UBR4: variants seen among roughly 807,000 people sequenced by gnomAD.
The protein encoded by UBR4 is E3 ubiquitin-protein ligase UBR4.
In UBR4, 124 loss-of-function variants were observed where a neutral mutation model predicts 575.6. The observed-to-expected ratio is 0.22, with a 90% confidence interval of 0.19 to 0.25. The LOEUF (loss-of-function observed/expected upper bound fraction) is 0.25, where lower values mean the gene tolerates loss of function less well. UBR4 is among the 10% of genes least tolerant of loss of function. The pLI is 1.00. For synonymous variants in UBR4, 2,455 were observed against 2,473.7 expected (o/e 0.99, Z 0.22); for missense variants, 4,818 against 6,478.8 (o/e 0.74, Z 8.80).
chr1:19,085,675 C>A (rs1466375078), intron 101 of UBR4, among the ~76,000 whole-genome samples: 3 of 152,176 alleles, frequency 2.0e-5, no homozygotes, highest in Non-Finnish European at 4.4e-5. Context: ...ACATGAGGAC[C>A]TCACAGATGC....
Position 19,187,217 on chromosome 1 carries a change from A to G in UBR4, c.1579T>C (p.Ser527Pro). 6.2e-7 allele frequency: 1 copy of G among 1,613,974 alleles called. No individual in the cohort carries two copies. Among genetic ancestry groups the G allele is most frequent in the Non-Finnish European group, 8.5e-7 (1 of 1,179,942 alleles). The change falls in exon 13 of 106, where the codon TCT (serine) becomes CCT (proline). Residue 527 changes from serine (S) to proline (P), a missense_variant. By Grantham distance (74) the Ser-to-Pro change is moderately conservative. Transcript: ENST00000375254. Reference protein sequence around the residue: ...SIQRIQRLIDSVPLMNLLLTL... With the variant: ...SIQRIQRLIDPVPLMNLLLTL... ...AAGAGCAGGTTCATCAGTGGGACAG[A>G]GTCAATCAGCCGTTGAATCCTCTGT...
chr1:19,144,431 T>C (rs543026485), intron 54 of UBR4, among the ~76,000 whole-genome samples: 32 of 152,342 alleles, frequency 2.1e-4, no homozygotes, highest in Admixed American at 1.7e-3. Context: ...CTAAAATCAG[T>C]AGTTTTAACA....
chr1:19,118,821 C>T (rs748599061), intron 71 of UBR4, 51 bp downstream of exon 71: 22 of 1,588,948 alleles, frequency 1.4e-5, no homozygotes, highest in East Asian at 6.7e-5. Flanking sequence ...CAAATAACTC[C>T]TCAGAATGCT....
chr1:19,199,313 C>G (rs959514208), intron 3 of UBR4, among the ~76,000 whole-genome samples: 7 of 152,172 alleles, frequency 4.6e-5, no homozygotes, highest in African/African-American at 9.7e-5. Context: ...TTTCTGTTAC[C>G]TACCTGGCCC....
intron 39 of UBR4, among the ~76,000 whole-genome samples, chr1:19,159,432 T>C (rs1278069649): frequency 6.6e-6 from 1 of 152,176 alleles, no homozygotes; most frequent in Non-Finnish European, 1.5e-5. Flanking sequence ...AGATGAACTT[T>C]AGAGAAGATA....
At chr1:19,155,405 T>C (rs1393143680) in intron 43 of UBR4, 36 bp downstream of exon 43, 2 of 1,579,350 alleles carry the variant, frequency 1.3e-6, no homozygotes, top group African/African-American at 2.7e-5. Flanking sequence ...AATAATTAAA[T>C]CCGGAATAGA....
intron 1 of UBR4, among the ~76,000 whole-genome samples, chr1:19,202,359 A>G (rs1273477943): frequency 1.3e-5 from 2 of 152,220 alleles, no homozygotes; most frequent in Non-Finnish European, 2.9e-5. Flanking sequence ...TCTGTTCTAT[A>G]TTACTGACTG....
At chr1:19,138,824 C>T (rs949297894) in intron 59 of UBR4, among the ~76,000 whole-genome samples, 2 of 152,096 alleles carry the variant, frequency 1.3e-5, no homozygotes, top group South Asian at 2.1e-4. Context: ...CATGTCATTG[C>T]TTTTTTTCCA....
rs2077741010 is a variant in UBR4 at position 19,093,646 on chromosome 1, GT to G, written c.13938-161del. 6.6e-6 allele frequency among the ~76,000 whole-genome samples: 1 copy of G among 152,154 alleles called. No individual in the cohort carries two copies. Among genetic ancestry groups the G allele is most frequent in the Admixed American group, 6.5e-5 (1 of 15,276 alleles). ...TGCCCCGGCTCCTGCCACTCTCCCT[GT>G]TTACCTGCTATGTCTCCCACGCTCA... On this transcript the variant is annotated intron_variant, in intron 95 of 105. Transcript: ENST00000375254. This position sits in a 1 kb window ranked among gnomAD's most constrained non-coding sequence, Gnocchi z 4.8.
At chr1:19,151,945 C>T in intron 47 of UBR4, 86 bp from the exon 48 acceptor site, 6 of 1,220,660 alleles carry the variant, frequency 4.9e-6, no homozygotes, top group Non-Finnish European at 6.8e-6. Context: ...ATTGTCTCAA[C>T]ATGTGAAGCT....
At chr1:19,166,350 T>C (rs1436521777) in intron 29 of UBR4, among the ~76,000 whole-genome samples, 2 of 152,210 alleles carry the variant, frequency 1.3e-5, no homozygotes, top group African/African-American at 4.8e-5. Context: ...GTCAACAAAA[T>C]ATTAGAAATC....
At chr1:19,122,391 T>C (rs1478060752) in intron 66 of UBR4, among the ~76,000 whole-genome samples, 1 of 152,244 alleles carries the variant, frequency 6.6e-6, no homozygotes, top group East Asian at 1.9e-4. Context: ...AGACGTTCTT[T>C]CTAGGTTGTT....
rs2077210917 is a variant in UBR4, at chr1:19,088,369, G to T, written c.14430+390C>A. ...CCTCCAAGGTGGGACAGTTAGAAGAGCACAGAACCCTTTGTGTCAACCACT... is the reference window on the plus strand; with the variant it reads ...CCTCCAAGGTGGGACAGTTAGAAGATCACAGAACCCTTTGTGTCAACCACT... On this transcript the variant is annotated intron_variant, in intron 98 of 105. Transcript: ENST00000375254. The surrounding 1 kb of genome is among the most constrained non-coding windows in gnomAD (Gnocchi z 4.0). Among the ~76,000 whole-genome samples, 1 of 152,224 alleles carries T rather than the reference G, an allele frequency of 6.6e-6. No homozygotes were observed. The highest frequency in any genetic ancestry group is 2.4e-5 in the African/African-American group (1 of 41,462).
Position 19,162,507 on chromosome 1 carries a change from C to T in UBR4, c.4869G>A (p.Val1623=), listed in dbSNP as rs762577391. ...CTTCAATGGCCCGCTCTTCCCCATC[C>T]ACTGAGAGATGACTTGGGCCTTGAC... ...SNGQGPSHLS[V]DGEERAIEVD... Residue 1623 remains valine, a synonymous_variant, in exon 35 of 106, where the codon GTG becomes GTA. Transcript: ENST00000375254. 6.2e-7 allele frequency: 1 copy of T among 1,614,214 alleles called. No individual in the cohort carries two copies. Among genetic ancestry groups the T allele is most frequent in the East Asian group, 2.2e-5 (1 of 44,888 alleles).
intron 9 of UBR4, 117 bp downstream of exon 9, chr1:19,193,316 G>A: frequency 7.1e-7 from 1 of 1,412,634 alleles, no homozygotes; most frequent in Non-Finnish European, 9.6e-7. Context: ...TAGTGCCCAG[G>A]GAAAGTAGTG....
chr1:19,149,366 G>A (rs952396083), intron 49 of UBR4, among the ~76,000 whole-genome samples: 1 of 152,168 alleles, frequency 6.6e-6, no homozygotes, highest in African/African-American at 2.4e-5. Context: ...AAGGGGTAGA[G>A]GAAGGCAATA....
At chr1:19,142,080 T>C (rs906845710) in intron 55 of UBR4, among the ~76,000 whole-genome samples, 1 of 152,198 alleles carries the variant, frequency 6.6e-6, no homozygotes, top group Admixed American at 6.5e-5. Context: ...CTAAAACCAG[T>C]AGGCCTCCCA....
In UBR4 at chr1:19,153,838, G is replaced by A. The variant is rs749381416; in HGVS notation, c.6560C>T (p.Pro2187Leu). Residue 2187 changes from proline to leucine, a missense_variant, in exon 45 of 106, where the codon CCG (proline) becomes CTG (leucine). Physicochemically the swap from Pro to Leu is moderately conservative, Grantham distance 98. This residue lies in a region of UBR4 where 461 missense variants were observed against 606.9 expected (regional missense o/e 0.76). Coordinates refer to ENST00000375254, the MANE Select transcript of UBR4 (RefSeq NM_020765.3). The surrounding 1 kb of genome is among the most constrained non-coding windows in gnomAD (Gnocchi z 4.1). The stretch of plus-strand genomic sequence containing the variant: ...GTCTGGTTTCACCATAACTACCAGC[G>A]GCACCCCTGTAGTTTGCTGGACACA... ...VCCVQQTTGV[P>L]LVVMVKPDTF... 1.2e-5 allele frequency: 19 copies of A among 1,613,998 alleles called. No individual in the cohort carries two copies. Among genetic ancestry groups the A allele is most frequent in the East Asian group, 2.2e-5 (1 of 44,890 alleles).
chr1:19,129,099 A>G (rs767887254), intron 60 of UBR4, 25 bp from the exon 61 acceptor site: 68 of 1,600,742 alleles, frequency 4.2e-5, no homozygotes, highest in Non-Finnish European at 5.8e-5. Flanking sequence ...AAAAGATAGA[A>G]AATATGAGCT....
Sources: allele counts gnomAD v4.1 joint callset (sites outside exome capture counted in the v4.1 genomes callset), GRCh38; gene constraint gnomAD v4.1.1; regional missense constraint gnomAD v4.1.1; non-coding constraint Gnocchi (gnomAD v3.1); transcripts MANE v1.5; gene names NCBI Gene and HGNC (gene_info 2026-07-23, HGNC 2026-07-21).